Variants in ARMC2 observed in about 807,000 individuals in gnomAD.
The protein encoded by ARMC2 is armadillo repeat-containing protein 2.
Under a neutral mutation model 90.3 loss-of-function variants are expected in ARMC2, and 67 were observed. That is an observed-to-expected ratio of 0.74 (90% CI 0.61 to 0.91). ARMC2 has a LOEUF of 0.91. Among genes scored for constraint, ARMC2 ranks in the 40% least tolerant of loss-of-function variants. The pLI is 0.00. For synonymous variants in ARMC2, 393 were observed against 393.0 expected, an observed-to-expected ratio of 1.00 and a Z score of 0.00; for missense variants, 920 against 1,030.9, an observed-to-expected ratio of 0.89 and a Z score of 1.47.
chr6:109,011,623 AT>A, the ARMC2 span, among the ~76,000 whole-genome samples: 16 of 149,022 alleles, frequency 1.1e-4, no homozygotes, highest in Middle Eastern at 6.9e-3. Context: ...TATTTTTAAA[AT>A]TTTTTTTCTT....
intron 17 of ARMC2, among the ~76,000 whole-genome samples, chr6:108,970,076 A>T (rs908930282): frequency 6.6e-6 from 1 of 152,144 alleles, no homozygotes; most frequent in Non-Finnish European, 1.5e-5. Flanking sequence ...ATTTTTACTC[A>T]ATCAGCCTCT....
chr6:109,041,654 C>T, the ARMC2 span, among the ~76,000 whole-genome samples: 9 of 151,814 alleles, frequency 5.9e-5, no homozygotes, highest in Non-Finnish European at 8.8e-5. Flanking sequence ...GAATATATAG[C>T]AATACCCAAA....
chr6:108,989,128 G>A, the ARMC2 span, among the ~76,000 whole-genome samples: 4 of 151,900 alleles, frequency 2.6e-5, no homozygotes, highest in Non-Finnish European at 5.9e-5. Context: ...TCAGCCTCCC[G>A]AGAAGCTAGG....
chr6:109,010,695 A>AGGGG, the ARMC2 span, among the ~76,000 whole-genome samples: 1 of 152,236 alleles, frequency 6.6e-6, no homozygotes, highest in Non-Finnish European at 1.5e-5. Context: ...CTGCTTTTAA[A>AGGGG]AAATAGCTAA....
chr6:108,988,531 A>G, the ARMC2 span: 16 of 1,595,940 alleles, frequency 1.0e-5, no homozygotes, highest in Non-Finnish European at 1.4e-5. Flanking sequence ...ATAAGCCACA[A>G]TAGGCACATA....
chr6:109,045,073 G>A, the ARMC2 span, among the ~76,000 whole-genome samples: 7 of 150,608 alleles, frequency 4.6e-5, no homozygotes, highest in South Asian at 2.1e-4. Context: ...ATTGCACTAC[G>A]CTACCACCTC....
At chr6:109,041,043 A>T in the ARMC2 span, among the ~76,000 whole-genome samples, 360 of 152,024 alleles carry the variant, frequency 2.4e-3, 1 homozygote, top group African/African-American at 8.3e-3. Flanking sequence ...GCTCATGCCC[A>T]TAATCCCAGC....
At chr6:108,851,016 A>G (rs879572252) in intron 1 of ARMC2, among the ~76,000 whole-genome samples, 13 of 152,114 alleles carry the variant, frequency 8.5e-5, no homozygotes, top group Non-Finnish European at 1.5e-4. Flanking sequence ...ACTACTTCTG[A>G]TCTTTGCCCT....
At chr6:108,954,932 G>A (rs1037822242) in intron 13 of ARMC2, among the ~76,000 whole-genome samples, 8 of 152,148 alleles carry the variant, frequency 5.3e-5, no homozygotes, top group Non-Finnish European at 8.8e-5. Context: ...CCGAGATGCC[G>A]GCAGGGTCAG....
chr6:108,992,795 G>A, the ARMC2 span: 15 of 1,609,582 alleles, frequency 9.3e-6, no homozygotes, highest in Middle Eastern at 1.6e-4. Context: ...ACCTGGACAC[G>A]AAATGTTGGA....
chr6:108,882,582 A>G (rs1777706426), intron 5 of ARMC2, among the ~76,000 whole-genome samples: 1 of 152,208 alleles, frequency 6.6e-6, no homozygotes, highest in African/African-American at 2.4e-5. Context: ...GAGGAAAGCT[A>G]CATTAGGAAT....
At chr6:108,906,990 TG>T (rs1238507486) in intron 8 of ARMC2, among the ~76,000 whole-genome samples, 2 of 152,234 alleles carry the variant, frequency 1.3e-5, no homozygotes, top group Admixed American at 1.3e-4. Flanking sequence ...CTTGCATAAA[TG>T]TAAGATTTTA....
the ARMC2 span, among the ~76,000 whole-genome samples, chr6:108,991,949 C>T: frequency 6.6e-6 from 1 of 152,212 alleles, no homozygotes; most frequent in South Asian, 2.1e-4. Context: ...TGTCTAGTCT[C>T]CTCTACTTAC....
chr6:108,918,533 C>CA (rs1774222269), intron 10 of ARMC2, among the ~76,000 whole-genome samples: 1 of 151,666 alleles, frequency 6.6e-6, no homozygotes, highest in African/African-American at 2.4e-5. Flanking sequence ...CCCACTTTGG[C>CA]AGAGCTGGGC....
intron 17 of ARMC2, among the ~76,000 whole-genome samples, chr6:108,966,130 T>C (rs1778351862): frequency 6.9e-6 from 1 of 144,638 alleles, no homozygotes; most frequent in South Asian, 2.3e-4. Flanking sequence ...CAGGAGGCCA[T>C]GTGGAAAGGC....
chr6:108,983,915 G>A, the ARMC2 span, among the ~76,000 whole-genome samples: 2 of 152,222 alleles, frequency 1.3e-5, no homozygotes, highest in Admixed American at 6.5e-5. Context: ...CATGGGCCAT[G>A]GACCAGTCCT....
At chr6:109,002,396 T>A in the ARMC2 span, 1 of 1,444,496 alleles carries the variant, frequency 6.9e-7, no homozygotes, top group Non-Finnish European at 9.7e-7. Flanking sequence ...CAAAATGAAC[T>A]GAGGCTAAAG....
At chr6:108,969,607 A>C (rs1778617449) in intron 17 of ARMC2, among the ~76,000 whole-genome samples, 1 of 152,220 alleles carries the variant, frequency 6.6e-6, no homozygotes, top group African/African-American at 2.4e-5. Context: ...AAATATCAGA[A>C]TGTATTATAT....
At chr6:108,999,543 T>C in the ARMC2 span, among the ~76,000 whole-genome samples, 5 of 152,264 alleles carry the variant, frequency 3.3e-5, no homozygotes, top group South Asian at 8.3e-4. Flanking sequence ...TAACATGGCA[T>C]TTAAAACGTA....
Sources: allele counts gnomAD v4.1 joint callset (sites outside exome capture counted in the v4.1 genomes callset), GRCh38; gene constraint gnomAD v4.1.1; transcripts MANE v1.5; gene names NCBI Gene and HGNC (gene_info 2026-07-23, HGNC 2026-07-21).